ZNF600: variants seen among roughly 807,000 people sequenced by gnomAD.
ZNF600 encodes zinc finger protein 600, also known as zinc finger protein KR-ZNF1.
ZNF600 carries 4 observed loss-of-function variants against 7.3 expected under a neutral mutation model. The ratio of observed to expected loss-of-function variants is 0.55; its 90% CI spans 0.27 to 1.25. The LOEUF is 1.25. Ranked by LOEUF, ZNF600 falls within the 50% of genes most tolerant of loss-of-function variation. The pLI, the probability that ZNF600 is intolerant of heterozygous loss-of-function variation, is 0.12. For synonymous variants in ZNF600, 290 were observed against 308.9 expected, an observed-to-expected ratio of 0.94 and a Z score of 0.64; for missense variants, 911 against 922.1, an observed-to-expected ratio of 0.99 and a Z score of 0.16.
At chr19:52,811,746 G>C in the ZNF600 span, among the ~76,000 whole-genome samples, 1 of 148,338 alleles carries the variant, frequency 6.7e-6, no homozygotes, top group Non-Finnish European at 1.5e-5. Context: ...CAGCCGCCCC[G>C]TCCGGGAGGG....
the ZNF600 span, among the ~76,000 whole-genome samples, chr19:52,819,398 C>CTTT: frequency 1.5e-4 from 21 of 135,660 alleles, 2 homozygotes; most frequent in African/African-American, 6.3e-4. Flanking sequence ...CATTCTATTG[C>CTTT]TTTTTTTTTT....
At chr19:52,824,298 C>T in the ZNF600 span, among the ~76,000 whole-genome samples, 2 of 152,004 alleles carry the variant, frequency 1.3e-5, no homozygotes, top group Non-Finnish European at 1.5e-5. Context: ...GTCTACCTGC[C>T]GGTTGGCTGA....
In ZNF600 at chr19:52,767,784, AAAC is replaced by A. The variant is rs1264436123; in HGVS notation, c.191-15_191-13del. The A allele has an allele frequency of 5.8e-6, 9 of 1,544,068 alleles. No individual in the cohort carries two copies. In the East Asian group the frequency reaches 9.0e-5, roughly 15 times the overall value. ...TTTGGAAGAGATATCTACAAAATAT[AAAC>A]AACAATAGGTTTCCAATTAAGTACA... On this transcript the variant is annotated splice_polypyrimidine_tract_variant and intron_variant, in intron 3 of 3. Transcript: ENST00000648973.
chr19:52,791,639 AAC>A (rs938225508), upstream of ZNF600, among the ~76,000 whole-genome samples: 13 of 152,140 alleles, frequency 8.5e-5, no homozygotes, highest in African/African-American at 2.9e-4. Flanking sequence ...CTGTGACAAA[AAC>A]ACACAAACAA....
chr19:52,767,561 C>A, exon 4 of ZNF600: 2 of 1,613,866 alleles, frequency 1.2e-6, no homozygotes, highest in Non-Finnish European at 1.7e-6. Context: ...TACCAGTCAA[C>A]TTTTTTATTT....
chr19:52,791,885 G>A, the ZNF600 span, among the ~76,000 whole-genome samples: 7 of 152,316 alleles, frequency 4.6e-5, no homozygotes, highest in Non-Finnish European at 8.8e-5. Flanking sequence ...CCAGAGGACA[G>A]CCCCTCACCT....
At chr19:52,801,051 T>G in the ZNF600 span, 1 of 1,614,070 alleles carries the variant, frequency 6.2e-7, no homozygotes, top group South Asian at 1.1e-5. Context: ...CTCATCAATG[T>G]GAGATCTACG....
At chr19:52,770,889 A>C (rs1315333717) in intron 3 of ZNF600, among the ~76,000 whole-genome samples, 1 of 152,156 alleles carries the variant, frequency 6.6e-6, no homozygotes, top group Admixed American at 6.6e-5. Flanking sequence ...GCTGGAGTGC[A>C]ATAGCATGAT....
chr19:52,803,604 A>C, the ZNF600 span, among the ~76,000 whole-genome samples: 2 of 152,190 alleles, frequency 1.3e-5, no homozygotes, highest in Non-Finnish European at 2.9e-5. Context: ...ATAAGAACTG[A>C]AATAGATGTT....
the ZNF600 span, among the ~76,000 whole-genome samples, chr19:52,794,366 A>G: frequency 8.5e-5 from 13 of 152,338 alleles, no homozygotes; most frequent in East Asian, 2.3e-3. Flanking sequence ...TTCAGGGGTC[A>G]GCGTCACTCT....
chr19:52,830,430 A>G, the ZNF600 span, among the ~76,000 whole-genome samples: 1 of 152,134 alleles, frequency 6.6e-6, no homozygotes, highest in Non-Finnish European at 1.5e-5. Context: ...GAAGGATCCC[A>G]CGACATGTTT....
chr19:52,803,880 C>T, the ZNF600 span, among the ~76,000 whole-genome samples: 3 of 151,992 alleles, frequency 2.0e-5, no homozygotes, highest in Non-Finnish European at 4.4e-5. Context: ...ACATTTGTAC[C>T]CAGAAGGTGA....
At chr19:52,817,173 G>C in the ZNF600 span, among the ~76,000 whole-genome samples, 3 of 152,074 alleles carry the variant, frequency 2.0e-5, no homozygotes, top group Non-Finnish European at 2.9e-5. Flanking sequence ...GGGAGTTTGA[G>C]ACCAGCCTGA....
Position 52,767,088 on chromosome 19 carries a change from C to T in ZNF600, c.875G>A (p.Cys292Tyr), listed in dbSNP as rs780566193. 2.5e-6 allele frequency: 4 copies of T among 1,614,150 alleles called. No homozygotes were observed. The highest frequency in any genetic ancestry group is 4.5e-5 in the East Asian group (2 of 44,868). ...TGATACCTGACTGAAGGACTTTCCA[C>T]ACTCATTACACTTGTAAGGTTTCTC... Residue 292 changes from cysteine (C) to tyrosine (Y), a missense_variant, in exon 4 of 4, where the codon TGT (cysteine) becomes TAT (tyrosine). Physicochemically the swap from Cys to Tyr is radical, Grantham distance 194. Transcript: ENST00000648973.
chr19:52,807,533 G>A, the ZNF600 span, among the ~76,000 whole-genome samples: 1 of 152,184 alleles, frequency 6.6e-6, no homozygotes, highest in South Asian at 2.1e-4. Context: ...GAGTGCAGTG[G>A]TGTGTTCTCA....
the ZNF600 span, among the ~76,000 whole-genome samples, chr19:52,796,054 G>A: frequency 1.3e-5 from 2 of 152,244 alleles, no homozygotes; most frequent in East Asian, 1.9e-4. Context: ...GCATGGCTGT[G>A]GTCCCAGTGA....
chr19:52,768,641 G>A (rs1300453303), intron 3 of ZNF600, among the ~76,000 whole-genome samples: 2 of 151,816 alleles, frequency 1.3e-5, no homozygotes, highest in East Asian at 3.9e-4. Context: ...TGCCTCCTGG[G>A]TTGAAGTGAT....
At chr19:52,819,534 C>T in the ZNF600 span, among the ~76,000 whole-genome samples, 2 of 75,498 alleles carry the variant, frequency 2.6e-5, 1 homozygote, top group African/African-American at 9.8e-5. Context: ...CAGGGTCACT[C>T]GGGTTGAGCT....
exon 4 of ZNF600, chr19:52,765,154 T>G (rs1190724535): frequency 2.3e-6 from 1 of 432,950 alleles, no homozygotes; most frequent in African/African-American, 2.1e-5. Context: ...GATGGTTTGC[T>G]ATACTCACTG....
Sources: allele counts gnomAD v4.1 joint callset (sites outside exome capture counted in the v4.1 genomes callset), GRCh38; gene constraint gnomAD v4.1.1; transcripts MANE v1.5; gene names NCBI Gene and HGNC (gene_info 2026-07-23, HGNC 2026-07-21).